IMMP2L: variants seen among roughly 807,000 people sequenced by gnomAD.
IMMP2L encodes the protein inner mitochondrial membrane peptidase subunit 2.
Under a neutral mutation model 19.3 loss-of-function variants are expected in IMMP2L, and 18 were observed. The ratio of observed to expected loss-of-function variants is 0.93; its 90% CI spans 0.64 to 1.38. The LOEUF (loss-of-function observed/expected upper bound fraction) is 1.38, where lower values mean the gene tolerates loss of function less well. IMMP2L is among the 40% of genes most tolerant of loss of function. The pLI is 0.00. For synonymous variants in IMMP2L, 76 were observed against 73.0 expected (o/e 1.04, Z -0.21); for missense variants, 233 against 218.2 (o/e 1.07, Z -0.43).
At chr7:111,081,948 C>G (rs1032271970) in intron 3 of IMMP2L, among the ~76,000 whole-genome samples, 7 of 152,188 alleles carry the variant, frequency 4.6e-5, no homozygotes, top group African/African-American at 1.7e-4. Context: ...GTAGGAGCTG[C>G]TTTCTTTGCT....
chr7:110,884,219 T>C (rs1418626681), intron 5 of IMMP2L, among the ~76,000 whole-genome samples: 1 of 152,046 alleles, frequency 6.6e-6, no homozygotes, highest in Non-Finnish European at 1.5e-5. Context: ...AAGAACATCA[T>C]GGCTACAATA....
intron 3 of IMMP2L, among the ~76,000 whole-genome samples, chr7:111,184,055 A>G (rs1412445904): frequency 6.6e-6 from 1 of 152,104 alleles, no homozygotes; most frequent in Non-Finnish European, 1.5e-5. Context: ...ATTTATGGAA[A>G]TAGAAAGTAT....
rs187768017 is a variant in IMMP2L, at chr7:111,143,975, A to C, written c.240-180410T>G. On this transcript the variant is annotated intron_variant, in intron 3 of 5. Coordinates refer to ENST00000405709, the MANE Select transcript of IMMP2L (RefSeq NM_032549.4). ...TACCCTACCCTGTTTGGAAAACTTT[A>C]AAAAATTATTATTTCCATCTCAGTG... Among the ~76,000 whole-genome samples, 819 of 152,260 alleles carry C rather than the reference A, an allele frequency of 5.4e-3. 3 individuals carry two copies. The highest frequency in any genetic ancestry group is 9.1e-3 in the Non-Finnish European group (619 of 68,002).
At chr7:111,506,368 T>G (rs1312849430) in intron 2 of IMMP2L, among the ~76,000 whole-genome samples, 2 of 152,114 alleles carry the variant, frequency 1.3e-5, no homozygotes, top group African/African-American at 4.8e-5. Flanking sequence ...TTAATCTAGT[T>G]GGGGCTCATT....
intron 3 of IMMP2L, among the ~76,000 whole-genome samples, chr7:111,170,129 A>G (rs1238710917): frequency 6.6e-6 from 1 of 151,916 alleles, no homozygotes; most frequent in Non-Finnish European, 1.5e-5. Context: ...ATATTTTGGC[A>G]CATATTATGA....
intron 2 of IMMP2L, among the ~76,000 whole-genome samples, chr7:111,514,509 A>T (rs1845715833): frequency 6.6e-6 from 1 of 152,110 alleles, no homozygotes; most frequent in African/African-American, 2.4e-5. Context: ...CCTAAAACTT[A>T]AAGTATAATA....
intron 3 of IMMP2L, among the ~76,000 whole-genome samples, chr7:111,098,114 C>T (rs892696601): frequency 2.0e-5 from 3 of 151,816 alleles, no homozygotes; most frequent in Admixed American, 1.3e-4. Context: ...GCTCTATTCA[C>T]AGTCATTCTT....
intron 3 of IMMP2L, among the ~76,000 whole-genome samples, chr7:111,337,451 AGGATGGAT>A (rs140122085): frequency 0.089 from 13,246 of 148,788 alleles, 890 homozygotes; most frequent in African/African-American, 0.19. Context: ...TTTGGATGGA[AGGATGGAT>A]GGATGGATGG....
At chr7:111,345,983 CA>C (rs1264931451) in intron 3 of IMMP2L, among the ~76,000 whole-genome samples, 7 of 152,142 alleles carry the variant, frequency 4.6e-5, no homozygotes, top group Non-Finnish European at 1.5e-5. Flanking sequence ...TTCTTGTCTT[CA>C]GATTAAATAG....
intron 5 of IMMP2L, among the ~76,000 whole-genome samples, chr7:110,718,201 G>A (rs1184028016): frequency 6.6e-6 from 1 of 152,138 alleles, no homozygotes; most frequent in African/African-American, 2.4e-5. Context: ...TTTGTAAGGA[G>A]GTAAGAATAA....
chr7:110,894,884 T>C (rs796272750), intron 4 of IMMP2L, among the ~76,000 whole-genome samples: 24 of 152,280 alleles, frequency 1.6e-4, no homozygotes, highest in African/African-American at 5.5e-4. Context: ...AATTTCAATT[T>C]TTTACATATG....
intron 5 of IMMP2L, among the ~76,000 whole-genome samples, chr7:110,816,040 T>G: frequency 1.3e-5 from 2 of 152,176 alleles, no homozygotes; most frequent in Non-Finnish European, 2.9e-5. Flanking sequence ...CTTTTCCAGT[T>G]CTTTTAACTG....
intron 3 of IMMP2L, among the ~76,000 whole-genome samples, chr7:111,240,610 T>C (rs969436579): frequency 3.3e-5 from 5 of 151,984 alleles, no homozygotes; most frequent in African/African-American, 1.2e-4. Flanking sequence ...TACCATGTGT[T>C]GTATCTACGA....
chr7:110,735,021 GT>G (rs1413259307), intron 5 of IMMP2L, among the ~76,000 whole-genome samples: 8 of 152,062 alleles, frequency 5.3e-5, no homozygotes, highest in Admixed American at 3.3e-4. Flanking sequence ...CTCTTCATCC[GT>G]CTTACTGCAT....
intron 3 of IMMP2L, among the ~76,000 whole-genome samples, chr7:111,195,946 A>C (rs925485656): frequency 2.6e-5 from 4 of 151,962 alleles, no homozygotes; most frequent in African/African-American, 4.8e-5. Flanking sequence ...GGCTCACTGC[A>C]CCCTCGAACT....
At chr7:111,261,184 T>C (rs1241908517) in intron 3 of IMMP2L, among the ~76,000 whole-genome samples, 2 of 152,106 alleles carry the variant, frequency 1.3e-5, no homozygotes, top group Admixed American at 6.6e-5. Context: ...CCTTTAAGTA[T>C]AGGATAAAGA....
chr7:110,896,450 T>C (rs925781360), intron 4 of IMMP2L, among the ~76,000 whole-genome samples: 1 of 152,122 alleles, frequency 6.6e-6, no homozygotes, highest in African/African-American at 2.4e-5. Context: ...AGTGAACTTG[T>C]TAAGTATAAT....
At chr7:110,841,151 A>G (rs1805041394) in intron 5 of IMMP2L, among the ~76,000 whole-genome samples, 1 of 152,008 alleles carries the variant, frequency 6.6e-6, no homozygotes, top group African/African-American at 2.4e-5. Context: ...TGTATAACAC[A>G]CGGTTTCCTT....
chr7:111,081,791 C>G (rs920177527), intron 3 of IMMP2L, among the ~76,000 whole-genome samples: 4 of 152,096 alleles, frequency 2.6e-5, no homozygotes, highest in Non-Finnish European at 4.4e-5. Flanking sequence ...GACTAGGTGT[C>G]TGCATAGCAA....
Sources: gnomAD v4.1 joint callset for allele counts (sites outside exome capture counted in the v4.1 genomes callset) on GRCh38, gnomAD v4.1.1 for gene constraint, MANE v1.5 for transcripts, NCBI Gene and HGNC (gene_info 2026-07-23, HGNC 2026-07-21) for gene names.